The following NAP1L4 variants were observed in gnomAD, a reference collection of about 807,000 sequenced individuals.
The protein encoded by NAP1L4 is nucleosome assembly protein 1-like 4.
In NAP1L4, 15 loss-of-function variants were observed where a neutral mutation model predicts 58.2. The ratio of observed to expected loss-of-function variants is 0.26; its 90% CI spans 0.17 to 0.40. The LOEUF is 0.40. NAP1L4 is among the 10% of genes least tolerant of loss of function. The pLI, the probability that NAP1L4 is intolerant of heterozygous loss-of-function variation, is 1.00. For missense variants in NAP1L4, 384 were observed against 451.1 expected, an observed-to-expected ratio of 0.85 and a Z score of 1.35; for synonymous variants, 171 against 155.6, an observed-to-expected ratio of 1.10 and a Z score of -0.74.
chr11:2,991,582 G>A (rs1024649468), intron 1 of NAP1L4, among the ~76,000 whole-genome samples: 1 of 152,050 alleles, frequency 6.6e-6, no homozygotes, highest in Admixed American at 6.6e-5. Flanking sequence ...GGGAGCGCAC[G>A]CCGCCCAGCT....
chr11:2,957,629 C>T (rs1846619751), intron 10 of NAP1L4, among the ~76,000 whole-genome samples: 1 of 152,148 alleles, frequency 6.6e-6, no homozygotes, highest in Non-Finnish European at 1.5e-5. Flanking sequence ...CACATTTTCT[C>T]GCGATTAGGA....
At chr11:2,960,563 A>G (rs1308993194) in intron 8 of NAP1L4, among the ~76,000 whole-genome samples, 2 of 152,172 alleles carry the variant, frequency 1.3e-5, no homozygotes, top group Non-Finnish European at 2.9e-5. Context: ...GAGTAACAAA[A>G]CACATGAACA....
At position 2,959,626 on chromosome 11, in the gene NAP1L4, T is replaced by C. The variant is rs540892599; in HGVS notation, c.746+144A>G. On this transcript the variant is annotated intron_variant, in intron 9 of 15. Coordinates refer to ENST00000380542, the MANE Select transcript of NAP1L4 (RefSeq NM_005969.4). This position sits in a 1 kb window ranked among gnomAD's most constrained non-coding sequence, Gnocchi z 4.9. ...TGAGCATTCCCAAACTGAAAGACTA[T>C]TGAAATATACATCTACCAGGCTTTT... 70 of 978,970 alleles carry C rather than the reference T, an allele frequency of 7.2e-5. No individual in the cohort carries two copies. Among genetic ancestry groups the C allele is most frequent in the Admixed American group, 1.4e-4 (5 of 34,868 alleles). 60.6% of individuals were successfully genotyped at this position (978,970 alleles called of 1,614,324 possible).
At chr11:2,968,508 A>G (rs1042827019) in intron 7 of NAP1L4, among the ~76,000 whole-genome samples, 1 of 152,240 alleles carries the variant, frequency 6.6e-6, no homozygotes, top group Non-Finnish European at 1.5e-5. Context: ...CTGGTCTGGA[A>G]GGAGAATAAG....
chr11:2,971,369 G>T lies in NAP1L4; in HGVS notation c.402+79C>A. ...CTGTTAGAAGCACATAAGTTTACTAGTCATTAAAAATCATTAAAAAATGCT... is the reference window on the plus strand; with the variant it reads ...CTGTTAGAAGCACATAAGTTTACTATTCATTAAAAATCATTAAAAAATGCT... On this transcript the variant is annotated intron_variant, in intron 6 of 15. Coordinates refer to ENST00000380542, the MANE Select transcript of NAP1L4 (RefSeq NM_005969.4). This position sits in a 1 kb window ranked among gnomAD's most constrained non-coding sequence, Gnocchi z 4.2. 3 of 1,263,966 alleles carry T rather than the reference G, an allele frequency of 2.4e-6. No individual in the cohort carries two copies. Among genetic ancestry groups the T allele is most frequent in the Non-Finnish European group, 3.4e-6 (3 of 889,404 alleles). 78.3% of individuals were successfully genotyped at this position (1,263,966 alleles called of 1,614,324 possible). A position where few individuals can be genotyped will look rare whatever the true frequency, so the allele number is the denominator to read the frequency against.
chr11:2,960,941 G>C (rs1846856822), intron 8 of NAP1L4, among the ~76,000 whole-genome samples: 1 of 152,144 alleles, frequency 6.6e-6, no homozygotes, highest in South Asian at 2.1e-4. Flanking sequence ...ACACTGCTAG[G>C]CAACTCGCGG....
rs770867681 is a variant in NAP1L4, at chr11:2,971,429, CAT to C, written c.402+17_402+18del. ...CAGTATTAAAACAGAACATGAGTCA[CAT>C]GTTTCTAAAGACTTACAGCCAATTT... On this transcript the variant is annotated intron_variant, in intron 6 of 15. Coordinates refer to ENST00000380542, the MANE Select transcript of NAP1L4 (RefSeq NM_005969.4). This position sits in a 1 kb window ranked among gnomAD's most constrained non-coding sequence, Gnocchi z 4.2. 23 of 1,606,506 alleles carry C rather than the reference CAT, an allele frequency of 1.4e-5. No homozygotes were observed. The highest frequency in any genetic ancestry group is 4.0e-5 in the African/African-American group (3 of 74,742).
At position 2,954,497 on chromosome 11, in the gene NAP1L4, G is replaced by A; in HGVS notation, c.1035+30C>T. ...TGCACCAACAGAGATAAGCACCCAG[G>A]TGGAAGCCCCCCTTCCCCGAGCCTC... On this transcript the variant is annotated intron_variant, in intron 12 of 15. Coordinates refer to ENST00000380542, the MANE Select transcript of NAP1L4 (RefSeq NM_005969.4). This position sits in a 1 kb window ranked among gnomAD's most constrained non-coding sequence, Gnocchi z 4.8. 6.2e-7 allele frequency: 1 copy of A among 1,613,074 alleles called. No homozygotes were observed. The highest frequency in any genetic ancestry group is 8.5e-7 in the Non-Finnish European group (1 of 1,179,100).
intron 1 of NAP1L4, among the ~76,000 whole-genome samples, chr11:2,987,493 C>T (rs1236166615): frequency 6.6e-6 from 1 of 151,220 alleles, no homozygotes; most frequent in African/African-American, 2.4e-5. Context: ...CGGTGGCTCA[C>T]GCCTGTAATC....
Position 2,951,665 on chromosome 11 carries a change from C to T in NAP1L4, c.1065+115G>A. 1.0e-6 allele frequency: 1 copy of T among 964,238 alleles called. No individual in the cohort carries two copies. Among genetic ancestry groups the T allele is most frequent in the Non-Finnish European group, 1.6e-6 (1 of 614,426 alleles). The allele number at this position is 964,238 out of a possible 1,614,324, so 59.7% of individuals were successfully genotyped here. A position where few individuals can be genotyped will look rare whatever the true frequency, so the allele number is the denominator to read the frequency against. ...TTAAGAACATTCTTAGAATCAAAGA[C>T]AGCGTCACAAAAAATGGGTTTAACA... On this transcript the variant is annotated intron_variant, in intron 13 of 15. Coordinates refer to ENST00000380542, the MANE Select transcript of NAP1L4 (RefSeq NM_005969.4). The surrounding 1 kb of genome is among the most constrained non-coding windows in gnomAD (Gnocchi z 4.0).
chr11:2,965,819 C>G (rs1216336067), intron 7 of NAP1L4, among the ~76,000 whole-genome samples: 2 of 152,196 alleles, frequency 1.3e-5, no homozygotes, highest in Admixed American at 1.3e-4. Flanking sequence ...CGTGAGCCAC[C>G]GCGCCCGGCC....
chr11:2,947,898 C>A (rs1846023028), intron 15 of NAP1L4, among the ~76,000 whole-genome samples: 1 of 152,252 alleles, frequency 6.6e-6, no homozygotes, highest in Admixed American at 6.5e-5. Flanking sequence ...GCCCCAAGTG[C>A]CCAGAGCCCT....
chr11:2,980,674 G>C (rs2134002393), intron 1 of NAP1L4, among the ~76,000 whole-genome samples: 2 of 152,206 alleles, frequency 1.3e-5, no homozygotes, highest in South Asian at 4.2e-4. Context: ...TCATTCTTCA[G>C]TACCTGAGCA....
At chr11:2,961,852 C>T (rs771912370) in intron 8 of NAP1L4, among the ~76,000 whole-genome samples, 1 of 152,180 alleles carries the variant, frequency 6.6e-6, no homozygotes, top group Non-Finnish European at 1.5e-5. Flanking sequence ...TAGATAGATT[C>T]ATGTTTCTTC....
chr11:2,949,664 G>T lies in NAP1L4; in HGVS notation c.1123-400C>A, dbSNP rs61871233. 0.13 allele frequency among the ~76,000 whole-genome samples: 20,445 copies of T among 152,160 alleles called. 1,488 individuals carry two copies. The highest frequency in any genetic ancestry group is 0.17 in the Middle Eastern group (51 of 294). ...CCCTTCTCCCCCAACCAACATAACC[G>T]TTTATCAAAGGTTTCATGGGGTGTT... On this transcript the variant is annotated intron_variant, in intron 14 of 15. Coordinates refer to ENST00000380542, the MANE Select transcript of NAP1L4 (RefSeq NM_005969.4). The surrounding 1 kb of genome is among the most constrained non-coding windows in gnomAD (Gnocchi z 4.0).
intron 12 of NAP1L4, among the ~76,000 whole-genome samples, chr11:2,953,754 C>G (rs1846365875): frequency 6.6e-6 from 1 of 152,248 alleles, no homozygotes; most frequent in African/African-American, 2.4e-5. Context: ...CCACAGGGGG[C>G]TAAGGCCCTT....
rs980090466 is a variant in NAP1L4, at chr11:2,948,735, C to G, written c.*32+492G>C. The stretch of plus-strand genomic sequence containing the variant: ...ATGCTGGCACAGTAAAAGCTGTTAC[C>G]CCTCTGTGTACCTATTGGTCTGCAC... On this transcript the variant is annotated intron_variant, in intron 15 of 15. Transcript: ENST00000380542. This position sits in a 1 kb window ranked among gnomAD's most constrained non-coding sequence, Gnocchi z 5.1. Among the ~76,000 whole-genome samples, 1 of 152,220 alleles carries G rather than the reference C, an allele frequency of 6.6e-6. No individual in the cohort carries two copies. Among genetic ancestry groups the G allele is most frequent in the Non-Finnish European group, 1.5e-5 (1 of 68,046 alleles).
Position 2,951,922 on chromosome 11 carries a change from C to A in NAP1L4, c.1036-113G>T. The A allele has an allele frequency of 9.8e-7, 1 of 1,025,344 alleles. No individual in the cohort carries two copies. The highest frequency in any genetic ancestry group is 1.5e-6 in the Non-Finnish European group (1 of 656,692). The allele number at this position is 1,025,344 out of a possible 1,614,324, so 63.5% of individuals were successfully genotyped here. A position where few individuals can be genotyped will look rare whatever the true frequency, so the allele number is the denominator to read the frequency against. ...CCAAGCCTAAGAGGAGCAGAAAGTC[C>A]AGCCACGCTGCCTGCTGGGCCTCGC... On this transcript the variant is annotated intron_variant, in intron 12 of 15. Transcript: ENST00000380542. The surrounding 1 kb of genome is among the most constrained non-coding windows in gnomAD (Gnocchi z 4.0).
At position 2,951,429 on chromosome 11, in the gene NAP1L4, T is replaced by A. The variant is rs1305682553; in HGVS notation, c.1066-114A>T. The A allele has an allele frequency of 2.3e-6, 2 of 851,876 alleles. No individual in the cohort carries two copies. Among genetic ancestry groups the A allele is most frequent in the Admixed American group, 2.0e-5 (1 of 51,010 alleles). 52.8% of individuals were successfully genotyped at this position (851,876 alleles called of 1,614,324 possible). A position where few individuals can be genotyped will look rare whatever the true frequency, so the allele number is the denominator to read the frequency against. ...GCCTTAGATGGAAATCAATTACTGC[T>A]ACCCACAAGTGACTCATCACTTCCT... On this transcript the variant is annotated intron_variant, in intron 13 of 15. Transcript: ENST00000380542. The surrounding 1 kb of genome is among the most constrained non-coding windows in gnomAD (Gnocchi z 4.0).
Sources: gnomAD v4.1 joint callset for allele counts (sites outside exome capture counted in the v4.1 genomes callset) on GRCh38, gnomAD v4.1.1 for gene constraint, Gnocchi (gnomAD v3.1) non-coding constraint, MANE v1.5 for transcripts, NCBI Gene and HGNC (gene_info 2026-07-23, HGNC 2026-07-21) for gene names.